NCOA2: variants seen among roughly 807,000 people sequenced by gnomAD.
NCOA2 encodes nuclear receptor coactivator 2.
In NCOA2, 21 loss-of-function variants were observed where a neutral mutation model predicts 145.1. That is an observed-to-expected ratio of 0.14 (90% CI 0.10 to 0.21). The LOEUF is 0.21. Among genes scored for constraint, NCOA2 ranks in the 10% least tolerant of loss-of-function variants. NCOA2 has a pLI of 1.00. For synonymous variants in NCOA2, 619 were observed against 637.5 expected (o/e 0.97, Z 0.44); for missense variants, 1,472 against 1,837.6 (o/e 0.80, Z 3.64).
At chr8:70,239,626 T>C (rs370183035) in intron 2 of NCOA2, among the ~76,000 whole-genome samples, 7 of 152,268 alleles carry the variant, frequency 4.6e-5, no homozygotes, top group African/African-American at 1.7e-4. Context: ...GATTCAGGTA[T>C]CCAATCTACA....
At chr8:70,221,530 T>C (rs1250998420) in intron 2 of NCOA2, among the ~76,000 whole-genome samples, 4 of 152,170 alleles carry the variant, frequency 2.6e-5, no homozygotes, top group South Asian at 2.1e-4. Flanking sequence ...TTTTTGGATG[T>C]AGATGCCTGA....
At position 70,132,011 on chromosome 8, in the gene NCOA2, A is replaced by G. The variant is rs1809175410; in HGVS notation, c.3159-9T>C. 5 of 1,610,056 alleles carry G rather than the reference A, an allele frequency of 3.1e-6. No individual in the cohort carries two copies. The highest frequency in any genetic ancestry group is 1.1e-5 in the South Asian group (1 of 90,062). Reference sequence around the variant, plus strand: ...AACTGCCAAATGGCTGCCTGTAAAGACAGAAATGTCACCTTGGGCCAATGG... The same window carrying G: ...AACTGCCAAATGGCTGCCTGTAAAGGCAGAAATGTCACCTTGGGCCAATGG... On this transcript the variant is annotated splice_polypyrimidine_tract_variant and intron_variant, in intron 15 of 22. Transcript: ENST00000452400.
chr8:70,117,218 C>G lies in NCOA2; in HGVS notation c.4384-3575G>C, dbSNP rs146703160. On this transcript the variant is annotated intron_variant, in intron 22 of 22. Transcript: ENST00000452400. ...GGTTGCAGGCCTACCCCTAAACCCC[C>G]AGCCGGGCACTTTCTACCTTGATTG... is the stretch of plus-strand genomic sequence containing the variant. 9.3e-4 allele frequency among the ~76,000 whole-genome samples: 142 copies of G among 152,390 alleles called. 5 individuals carry two copies. In the East Asian group the frequency reaches 0.026, roughly 27 times the overall value.
chr8:70,406,505 A>G (rs1360282057), upstream of NCOA2, among the ~76,000 whole-genome samples: 4 of 152,214 alleles, frequency 2.6e-5, no homozygotes, highest in African/African-American at 9.6e-5. Flanking sequence ...TTACCAAGAG[A>G]GAACAACAAG....
chr8:70,303,517 A>G (rs774958199), intron 1 of NCOA2, among the ~76,000 whole-genome samples: 8 of 152,228 alleles, frequency 5.3e-5, no homozygotes, highest in Non-Finnish European at 8.8e-5. Context: ...AAAGATATAA[A>G]TCAGGCTAGA....
intron 2 of NCOA2, among the ~76,000 whole-genome samples, chr8:70,251,128 A>T (rs1243890902): frequency 1.3e-5 from 2 of 152,142 alleles, no homozygotes; most frequent in African/African-American, 4.8e-5. Flanking sequence ...TGTGGGTATC[A>T]TCCCACTAAC....
intron 1 of NCOA2, among the ~76,000 whole-genome samples, chr8:70,302,627 T>G (rs963847261): frequency 8.5e-5 from 13 of 152,234 alleles, no homozygotes; most frequent in Admixed American, 2.6e-4. Context: ...TATTAAGGTA[T>G]ACAAATTAAT....
intron 12 of NCOA2, 99 bp from the exon 13 acceptor site, chr8:70,144,947 T>C: frequency 5.3e-6 from 6 of 1,133,378 alleles, no homozygotes; most frequent in Non-Finnish European, 7.8e-6. Context: ...ATGACAAAGG[T>C]ATGTATGTCA....
At chr8:70,258,718 C>G (rs1400193286) in intron 2 of NCOA2, among the ~76,000 whole-genome samples, 1 of 152,184 alleles carries the variant, frequency 6.6e-6, no homozygotes, top group Non-Finnish European at 1.5e-5. Context: ...CTCTCCCTTA[C>G]TCAATCTATC....
chr8:70,152,957 A>G (rs114356768), intron 11 of NCOA2, among the ~76,000 whole-genome samples: 1,814 of 152,354 alleles, frequency 0.012, 49 homozygotes, highest in African/African-American at 0.042. Flanking sequence ...ATAAGTTTGT[A>G]CAGCAATCAA....
At chr8:70,168,282 C>A (rs1194944410) in intron 6 of NCOA2, among the ~76,000 whole-genome samples, 1 of 152,162 alleles carries the variant, frequency 6.6e-6, no homozygotes, top group Non-Finnish European at 1.5e-5. Context: ...TATGTTTTTG[C>A]AGACATTTGG....
intron 6 of NCOA2, among the ~76,000 whole-genome samples, chr8:70,169,614 A>C (rs1328380683): frequency 2.0e-5 from 3 of 152,198 alleles, no homozygotes; most frequent in Non-Finnish European, 4.4e-5. Context: ...ACCTTAAAAA[A>C]ACAATCTCTG....
chr8:70,204,384 C>T (rs1818227447), intron 4 of NCOA2, among the ~76,000 whole-genome samples: 1 of 152,150 alleles, frequency 6.6e-6, no homozygotes, highest in Non-Finnish European at 1.5e-5. Flanking sequence ...AGGGCTCCAG[C>T]TATGCTTATC....
rs1251516032 is a variant in NCOA2, at chr8:70,170,133, C to T, written c.541+69G>A. 10 of 1,426,874 alleles carry T rather than the reference C, an allele frequency of 7.0e-6. No homozygotes were observed. The Admixed American group carries it at 1.8e-4, about 26-fold the overall frequency. The allele number at this position is 1,426,874 out of a possible 1,614,324, so 88.4% of individuals were successfully genotyped here. ...TTTATTTGATCCACTTCAACCAAGA[C>T]ACTGTGTGTATGAGGCAGGGCAGGT... On this transcript the variant is annotated intron_variant, in intron 6 of 22. Coordinates refer to ENST00000452400, the MANE Select transcript of NCOA2 (RefSeq NM_006540.4).
intron 1 of NCOA2, among the ~76,000 whole-genome samples, chr8:70,310,621 A>G (rs939757228): frequency 2.0e-5 from 3 of 152,218 alleles, no homozygotes; most frequent in Non-Finnish European, 4.4e-5. Context: ...TGTACATAGT[A>G]GACCTCTTCT....
At position 70,254,448 on chromosome 8, in the gene NCOA2, C is replaced by A. The variant is rs561367893; in HGVS notation, c.-19-37684G>T. On this transcript the variant is annotated intron_variant, in intron 2 of 22. Coordinates refer to ENST00000452400, the MANE Select transcript of NCOA2 (RefSeq NM_006540.4). ...TCATAGCCGCATTATTCACAATAGCCAAAAGGTGAAAGCAACTCAAGTGTC... is the reference window on the plus strand; with the variant it reads ...TCATAGCCGCATTATTCACAATAGCAAAAAGGTGAAAGCAACTCAAGTGTC... 4.9e-4 allele frequency among the ~76,000 whole-genome samples: 74 copies of A among 152,170 alleles called. No individual in the cohort carries two copies. The South Asian group carries it at 9.1e-3, about 19-fold the overall frequency.
the NCOA2 span, among the ~76,000 whole-genome samples, chr8:70,421,064 C>T: frequency 1.4e-4 from 21 of 152,164 alleles, no homozygotes; most frequent in East Asian, 3.9e-3. Flanking sequence ...AAAATGAGGT[C>T]AGAGATTCTA....
At chr8:70,157,550 A>G (rs1812426562) in intron 10 of NCOA2, among the ~76,000 whole-genome samples, 1 of 152,230 alleles carries the variant, frequency 6.6e-6, no homozygotes, top group South Asian at 2.1e-4. Context: ...TTCCAATTAC[A>G]TAATACATCT....
chr8:70,403,002 C>T (rs1041838676), intron 1 of NCOA2, among the ~76,000 whole-genome samples: 2 of 144,396 alleles, frequency 1.4e-5, no homozygotes, highest in African/African-American at 5.0e-5. Flanking sequence ...CCGGGGCTGA[C>T]ACGGGCCCGG....
Sources: gnomAD v4.1 joint callset for allele counts (sites outside exome capture counted in the v4.1 genomes callset) on GRCh38, gnomAD v4.1.1 for gene constraint, MANE v1.5 for transcripts, NCBI Gene and HGNC (gene_info 2026-07-23, HGNC 2026-07-21) for gene names.